The following HIP1R variants were observed in gnomAD, a reference collection of about 807,000 sequenced individuals.
HIP1R encodes huntingtin-interacting protein 1-related protein.
In HIP1R, 135 loss-of-function variants were observed where a neutral mutation model predicts 144.2. That is an observed-to-expected ratio of 0.94 (90% confidence interval 0.81 to 1.08). The LOEUF (loss-of-function observed/expected upper bound fraction) is 1.08, where lower values mean the gene tolerates loss of function less well. Ranked by LOEUF, HIP1R falls within the 50% of genes least tolerant of loss-of-function variation. The pLI, the probability that HIP1R is intolerant of heterozygous loss-of-function variation, is 0.00. For missense variants in HIP1R, 1,462 were observed against 1,432.8 expected (o/e 1.02, Z -0.33); for synonymous variants, 698 against 612.8 (o/e 1.14, Z -2.05).
At position 122,849,896 on chromosome 12, in the gene HIP1R, G is replaced by A; in HGVS notation, c.379G>A (p.Gly127Arg). The A allele has an allele frequency of 3.1e-6, 5 of 1,613,474 alleles. No homozygotes were observed. The highest frequency in any genetic ancestry group is 4.2e-6 in the Non-Finnish European group (5 of 1,179,872). ...ACAGGGACATTTGCATGACCGCTAC[G>A]GACAGCTGGTGAATGTCTACACCAA... is the stretch of plus-strand genomic sequence containing the variant. ...DLWGHLHDRY[G>R]QLVNVYTKLL... Residue 127 changes from glycine (G) to arginine (R), a missense_variant, in exon 5 of 32, where the codon GGA becomes AGA. Around this residue, in one of 2 missense-constraint regions of HIP1R, gnomAD observed 350 missense variants for 421.1 expected, o/e 0.83. Coordinates refer to ENST00000253083, the MANE Select transcript of HIP1R (RefSeq NM_003959.3).
Position 122,836,628 on chromosome 12 carries a change from T to C in HIP1R, c.93+985T>C, listed in dbSNP as rs2032903195. ...AACCAAGACTGAAATGGCTGAAAAA[T>C]TTTACTCTAGAGATAAAGGAAGCCA... On this transcript the variant is annotated intron_variant, in intron 1 of 31. Coordinates refer to ENST00000253083, the MANE Select transcript of HIP1R (RefSeq NM_003959.3). The surrounding 1 kb of genome is among the most constrained non-coding windows in gnomAD (Gnocchi z 4.1). 6.6e-6 allele frequency among the ~76,000 whole-genome samples: 1 copy of C among 152,038 alleles called. No homozygotes were observed. Among genetic ancestry groups the C allele is most frequent in the Non-Finnish European group, 1.5e-5 (1 of 68,026 alleles).
In HIP1R at chr12:122,837,266, T is replaced by C. The variant is rs528445001; in HGVS notation, c.93+1623T>C. Among the ~76,000 whole-genome samples, 3 of 152,180 alleles carry C rather than the reference T, an allele frequency of 2.0e-5. No homozygotes were observed. In the East Asian group the frequency reaches 5.8e-4, roughly 29 times the overall value. On this transcript the variant is annotated intron_variant, in intron 1 of 31. Coordinates refer to ENST00000253083, the MANE Select transcript of HIP1R (RefSeq NM_003959.3). Reference sequence around the variant, plus strand: ...CTTCCTGAGTGTCAAAGAGAGAATCTCTGATACAGGACCACACATTTTAGT... The same window carrying C: ...CTTCCTGAGTGTCAAAGAGAGAATCCCTGATACAGGACCACACATTTTAGT...
chr12:122,845,998 C>T (rs1317801329), intron 1 of HIP1R, among the ~76,000 whole-genome samples: 1 of 152,364 alleles, frequency 6.6e-6, no homozygotes, highest in African/African-American at 2.4e-5. Context: ...GTGTCTACAG[C>T]CTCTCTGGTG....
At chr12:122,859,021 CGGTGGG>C (rs776166457) in intron 21 of HIP1R, 34 bp from the exon 22 acceptor site, 2 of 867,488 alleles carry the variant, frequency 2.3e-6, no homozygotes, top group East Asian at 5.5e-5. Context: ...TGGAGCCTGT[CGGTGGG>C]GGGGGCTCCA....
At chr12:122,860,600 G>C in intron 27 of HIP1R, 77 bp downstream of exon 27, 1 of 1,556,426 alleles carries the variant, frequency 6.4e-7, no homozygotes, top group Non-Finnish European at 8.9e-7. Flanking sequence ...ACAGGGTGCA[G>C]GGAGTAGAGG....
chr12:122,845,270 G>A (rs2033176330), intron 1 of HIP1R, among the ~76,000 whole-genome samples: 1 of 152,234 alleles, frequency 6.6e-6, no homozygotes, highest in Admixed American at 6.5e-5. Flanking sequence ...AGCTGCTACT[G>A]CCTGGTCAGA....
At chr12:122,858,320 A>AG in intron 19 of HIP1R, 29 bp from the exon 20 acceptor site, 1 of 1,595,834 alleles carries the variant, frequency 6.3e-7, no homozygotes, top group Non-Finnish European at 8.6e-7. Flanking sequence ...AGCGGGTGGC[A>AG]GGGGCCTCAG....
chr12:122,859,422 C>G lies in HIP1R; in HGVS notation c.2296-4C>G. The G allele has an allele frequency of 6.2e-7, 1 of 1,611,592 alleles. No homozygotes were observed. Among genetic ancestry groups the G allele is most frequent in the Non-Finnish European group, 8.5e-7 (1 of 1,178,360 alleles). ...TACCCCTGTCTGACTCCCATCCTCA[C>G]CAGGAACTGAAACCCAAGAGCCTAG... is the stretch of plus-strand genomic sequence containing the variant. On this transcript the variant is annotated splice_region_variant and splice_polypyrimidine_tract_variant and intron_variant, in intron 22 of 31. Transcript: ENST00000253083.
Position 122,861,397 on chromosome 12 carries a change from A to G in HIP1R, c.3042A>G (p.Ala1014=). 2 of 1,613,472 alleles carry G rather than the reference A, an allele frequency of 1.2e-6. No individual in the cohort carries two copies. Among genetic ancestry groups the G allele is most frequent in the Non-Finnish European group, 1.7e-6 (2 of 1,179,894 alleles). ...AGCAACACTACGTGCTGGCTGGGGCATCAGGCAGCCCTGGAGAGGAGGTGG... is the reference window on the plus strand; with the variant it reads ...AGCAACACTACGTGCTGGCTGGGGCGTCAGGCAGCCCTGGAGAGGAGGTGG... ...LRKQHYVLAG[A]SGSPGEEVAI... is the part of the protein sequence containing the mutation. Residue 1014 remains alanine (A), a synonymous_variant, in exon 31 of 32, where the codon GCA becomes GCG. Transcript: ENST00000253083.
chr12:122,859,483 A>G lies in HIP1R; in HGVS notation c.2353A>G (p.Lys785Glu), dbSNP rs762699743. The G allele has an allele frequency of 1.7e-5, 27 of 1,613,458 alleles. No homozygotes were observed. Among genetic ancestry groups the G allele is most frequent in the South Asian group, 2.2e-5 (2 of 91,084 alleles). The change falls in exon 23 of 32, where the codon AAG becomes GAG. Residue 785 changes from lysine (K) to glutamate (E), a missense_variant. This residue lies in a region of HIP1R where 1,112 missense variants were observed against 1,011.7 expected (regional missense o/e 1.10). Transcript: ENST00000253083. Reference sequence around the variant, plus strand: ...GGAGGAGCTGGGGGCCGTGGTCGACAAGGAGATGGCGGCCACATCCGCAGC... The same window carrying G: ...GGAGGAGCTGGGGGCCGTGGTCGACGAGGAGATGGCGGCCACATCCGCAGC... The part of the protein sequence containing the change: ...RQEELGAVVD[K>E]EMAATSAAIE...
intron 1 of HIP1R, among the ~76,000 whole-genome samples, chr12:122,843,121 T>C (rs967108524): frequency 6.6e-6 from 1 of 152,224 alleles, no homozygotes; most frequent in Non-Finnish European, 1.5e-5. Context: ...TAGCAGGCCC[T>C]TGGGGAGTGG....
chr12:122,858,775 T>A, intron 20 of HIP1R, 63 bp from the exon 21 acceptor site: 17 of 1,153,044 alleles, frequency 1.5e-5, no homozygotes, highest in Non-Finnish European at 2.2e-5. Flanking sequence ...CCACCGACGG[T>A]GGTCCCAGTG....
chr12:122,839,008 G>A (rs1000186240), intron 1 of HIP1R, among the ~76,000 whole-genome samples: 1 of 152,220 alleles, frequency 6.6e-6, no homozygotes, highest in Non-Finnish European at 1.5e-5. Context: ...CTGCGAGTTT[G>A]TGTGATTTGT....
chr12:122,849,356 G>A (rs374187498), intron 4 of HIP1R, among the ~76,000 whole-genome samples: 26 of 152,356 alleles, frequency 1.7e-4, no homozygotes, highest in Admixed American at 1.4e-3. Context: ...TGGGGTGCTC[G>A]TCTGCCTGGG....
At chr12:122,851,463 C>T (rs538334091) in intron 7 of HIP1R, among the ~76,000 whole-genome samples, 166 bp downstream of exon 7, 7 of 152,112 alleles carry the variant, frequency 4.6e-5, no homozygotes, top group Non-Finnish European at 1.0e-4. Flanking sequence ...TTTGGGAGGC[C>T]GAGGCAGGCA....
At position 122,840,736 on chromosome 12, in the gene HIP1R, G is replaced by T. The variant is rs868638745; in HGVS notation, c.93+5093G>T. On this transcript the variant is annotated intron_variant, in intron 1 of 31. Coordinates refer to ENST00000253083, the MANE Select transcript of HIP1R (RefSeq NM_003959.3). The surrounding 1 kb of genome is among the most constrained non-coding windows in gnomAD (Gnocchi z 4.2). ...AGTGGATCTGCACAGAGGTTGGGGG[G>T]ACTCAGGCAGGTGGGGACAGCCCTT... Among the ~76,000 whole-genome samples, 2 of 152,184 alleles carry T rather than the reference G, an allele frequency of 1.3e-5. No individual in the cohort carries two copies. The highest frequency in any genetic ancestry group is 2.4e-5 in the African/African-American group (1 of 41,426).
rs2033275926 is a variant in HIP1R at position 122,848,514 on chromosome 12, C to T, written c.206C>T (p.Ser69Phe). The change falls in exon 3 of 32, where the codon TCC becomes TTC. Residue 69 changes from serine to phenylalanine, a missense_variant. Physicochemically the swap from Ser to Phe is radical, Grantham distance 155. This residue lies in a region of HIP1R where 350 missense variants were observed against 421.1 expected (regional missense o/e 0.83). Transcript: ENST00000253083. ...GAGAAGGGGGCTTTCACCTTCTGGTCCTACGCCATTGGGCTGCCGCTGCCC... is the reference window on the plus strand; with the variant it reads ...GAGAAGGGGGCTTTCACCTTCTGGTTCTACGCCATTGGGCTGCCGCTGCCC... ...HHEKGAFTFW[S>F]YAIGLPLPSS... 6.2e-7 allele frequency: 1 copy of T among 1,613,184 alleles called. No homozygotes were observed.
In HIP1R at chr12:122,861,925, A is replaced by C; in HGVS notation, c.*172A>C. The C allele has an allele frequency of 1.7e-6, 1 of 583,358 alleles. No homozygotes were observed. Among genetic ancestry groups the C allele is most frequent in the Non-Finnish European group, 3.0e-6 (1 of 336,392 alleles). The allele number at this position is 583,358 out of a possible 1,614,324, so 36.1% of individuals were successfully genotyped here. ...TACTGAGCCTGCAGGGTCCTGGGCC[A>C]TGTGGGTGGTGCTTCTGGATGTGAG... On this transcript the variant is annotated 3_prime_UTR_variant, in exon 32 of 32. Transcript: ENST00000253083.
chr12:122,849,209 G>C (rs2033302057), intron 4 of HIP1R, among the ~76,000 whole-genome samples: 1 of 152,272 alleles, frequency 6.6e-6, no homozygotes, highest in East Asian at 1.9e-4. Flanking sequence ...AGGACTGGAG[G>C]TCTGCATTTT....
Sources: gnomAD v4.1 joint callset for allele counts (sites outside exome capture counted in the v4.1 genomes callset) on GRCh38, gnomAD v4.1.1 for gene constraint, gnomAD v4.1.1 regional missense constraint, Gnocchi (gnomAD v3.1) non-coding constraint, MANE v1.5 for transcripts, NCBI Gene and HGNC (gene_info 2026-07-23, HGNC 2026-07-21) for gene names.